NSD1: variants seen among roughly 807,000 people sequenced by gnomAD.
The protein encoded by NSD1 is histone-lysine N-methyltransferase, H3 lysine-36 specific.
In NSD1, 26 loss-of-function variants were observed where a neutral mutation model predicts 242.7. The ratio of observed to expected loss-of-function variants is 0.11; its 90% CI spans 0.08 to 0.15. The LOEUF (loss-of-function observed/expected upper bound fraction) is 0.15. NSD1 is among the 10% of genes least tolerant of loss of function. NSD1 has a pLI of 1.00. For missense variants in NSD1, 2,495 were observed against 3,272.8 expected (o/e 0.76, Z 5.80); for synonymous variants, 1,106 against 1,178.1 (o/e 0.94, Z 1.25).
At chr5:177,239,663 A>G (rs1328743541) in intron 7 of NSD1, 93 bp from the exon 8 acceptor site, 1 of 742,992 alleles carries the variant, frequency 1.3e-6, no homozygotes, top group Admixed American at 2.3e-5. Flanking sequence ...CATCAAAAAC[A>G]TTGAGATTCA....
At chr5:177,281,184 A>G (rs1281465544) in intron 18 of NSD1, among the ~76,000 whole-genome samples, 1 of 152,206 alleles carries the variant, frequency 6.6e-6, no homozygotes, top group East Asian at 1.9e-4. Context: ...TACTAATAAA[A>G]CATTTTTAGT....
In NSD1 at chr5:177,295,186, C is replaced by G. The variant is rs1387893907; in HGVS notation, c.7818C>G (p.Ala2606=). The change falls in exon 23 of 23, where the codon GCC becomes GCG. Residue 2606 remains alanine (A), a synonymous_variant. Transcript: ENST00000439151. The surrounding 1 kb of genome is among the most constrained non-coding windows in gnomAD (Gnocchi z 4.3). ...SGQSFRSLGK[A]PASLPTEEKK... The stretch of plus-strand genomic sequence containing the variant: ...AATCTTTTAGGTCTCTCGGGAAGGC[C>G]CCAGCCTCCCTCCCCACTGAAGAAA... The G allele has an allele frequency of 3.7e-6, 6 of 1,614,186 alleles. No individual in the cohort carries two copies. The highest frequency in any genetic ancestry group is 5.1e-6 in the Non-Finnish European group (6 of 1,180,036).
intron 3 of NSD1, among the ~76,000 whole-genome samples, chr5:177,200,128 C>T (rs1393393559): frequency 6.6e-6 from 1 of 151,660 alleles, no homozygotes; most frequent in African/African-American, 2.4e-5. Flanking sequence ...AGATAGAGTC[C>T]TGCTCTGTTG....
intron 2 of NSD1, among the ~76,000 whole-genome samples, chr5:177,178,453 C>T (rs1364412090): frequency 1.3e-5 from 2 of 152,024 alleles, no homozygotes; most frequent in Non-Finnish European, 2.9e-5. Context: ...CTTGAACTCC[C>T]GACCTTAGGT....
Position 177,248,204 on chromosome 5 carries a change from G to T in NSD1, c.4521G>T (p.Thr1507=), listed in dbSNP as rs778642917. The change falls in exon 11 of 23, where the codon ACG becomes ACT. Residue 1507 remains threonine, a synonymous_variant. Coordinates refer to ENST00000439151, the MANE Select transcript of NSD1 (RefSeq NM_022455.5). Reference sequence around the variant, plus strand: ...AGGGAGAACTAATGCCTCACAGGACGGCCACAAGCCCCAAGGAGACTGTTG... The same window carrying T: ...AGGGAGAACTAATGCCTCACAGGACTGCCACAAGCCCCAAGGAGACTGTTG... The part of the protein sequence containing the change: ...GSEGELMPHR[T]ATSPKETVEE... 3.1e-6 allele frequency: 5 copies of T among 1,613,978 alleles called. No homozygotes were observed. Among genetic ancestry groups the T allele is most frequent in the Non-Finnish European group, 4.2e-6 (5 of 1,180,032 alleles).
chr5:177,266,312 A>G (rs952338336), intron 14 of NSD1: 3 of 727,062 alleles, frequency 4.1e-6, no homozygotes, highest in East Asian at 2.8e-5. Context: ...GACAATCTTC[A>G]CCGCATAATC....
chr5:177,186,453 T>TAGG (rs1298358197), intron 2 of NSD1, among the ~76,000 whole-genome samples: 1 of 152,132 alleles, frequency 6.6e-6, no homozygotes, highest in Admixed American at 6.6e-5. Context: ...TGAACCGGTT[T>TAGG]AGGTTTTTTT....
chr5:177,276,117 T>C (rs902210408), intron 17 of NSD1, among the ~76,000 whole-genome samples: 7 of 151,786 alleles, frequency 4.6e-5, no homozygotes, highest in Admixed American at 4.6e-4. Context: ...TTTTGTAGAG[T>C]TGGGGTTTCA....
At chr5:177,188,355 C>T (rs2149816669) in intron 2 of NSD1, among the ~76,000 whole-genome samples, 1 of 152,058 alleles carries the variant, frequency 6.6e-6, no homozygotes, top group South Asian at 2.1e-4. Context: ...TGGATTTGGT[C>T]CTTATTGTCT....
intron 5 of NSD1, among the ~76,000 whole-genome samples, chr5:177,214,131 A>G (rs904550881): frequency 3.3e-5 from 5 of 152,144 alleles, no homozygotes; most frequent in African/African-American, 1.2e-4. Context: ...CAGGAGTTCA[A>G]GACCAGCCTG....
At chr5:177,288,454 T>A in intron 20 of NSD1, 2 of 297,156 alleles carry the variant, frequency 6.7e-6, no homozygotes, top group South Asian at 6.4e-5. Flanking sequence ...AAACAGGTTT[T>A]CCTCATACTT....
At chr5:177,207,521 A>G (rs1562201443) in intron 4 of NSD1, among the ~76,000 whole-genome samples, 1 of 143,964 alleles carries the variant, frequency 6.9e-6, no homozygotes, top group Non-Finnish European at 1.5e-5. Context: ...TGACCTTGTG[A>G]TCTGCCCACC....
At position 177,170,339 on chromosome 5, in the gene NSD1, A is replaced by G. The variant is rs373107904; in HGVS notation, c.928-21545A>G. 1.2e-4 allele frequency among the ~76,000 whole-genome samples: 17 copies of G among 147,392 alleles called. No homozygotes were observed. In the South Asian group the frequency reaches 2.6e-3, roughly 23 times the overall value. On this transcript the variant is annotated intron_variant, in intron 2 of 22. Coordinates refer to ENST00000439151, the MANE Select transcript of NSD1 (RefSeq NM_022455.5). ...AGTACCCTTTTTGTTTTTGTAAAGT[A>G]TGCATGATTTTATTTAATTTTTTTT...
chr5:177,187,722 T>C (rs1761349835), intron 2 of NSD1, among the ~76,000 whole-genome samples: 1 of 152,192 alleles, frequency 6.6e-6, no homozygotes, highest in Non-Finnish European at 1.5e-5. Flanking sequence ...TCACGTTGTC[T>C]TCCCTCTATT....
chr5:177,135,597 A>G lies in NSD1; in HGVS notation c.494A>G (p.Asp165Gly). 1 of 1,614,230 alleles carries G rather than the reference A, an allele frequency of 6.2e-7. No individual in the cohort carries two copies. The highest frequency in any genetic ancestry group is 8.5e-7 in the Non-Finnish European group (1 of 1,180,040). ...ACTTGTGTGGACGATGCAGATGTAGATTCTGAAATGGACCCAGAACAGCCA... is the reference window on the plus strand; with the variant it reads ...ACTTGTGTGGACGATGCAGATGTAGGTTCTGAAATGGACCCAGAACAGCCA... ...NFTCVDDADV[D>G]SEMDPEQPVT... The change falls in exon 2 of 23, where the codon GAT becomes GGT. Residue 165 changes from aspartate (D) to glycine (G), a missense_variant. By Grantham distance (94) the Asp-to-Gly change is moderately conservative (BLOSUM62 -1). Coordinates refer to ENST00000439151, the MANE Select transcript of NSD1 (RefSeq NM_022455.5).
chr5:177,170,413 T>C (rs1581193744), intron 2 of NSD1, among the ~76,000 whole-genome samples: 1 of 150,412 alleles, frequency 6.6e-6, no homozygotes, highest in East Asian at 2.0e-4. Flanking sequence ...TGCAGTGGCG[T>C]GATCTCGGCT....
At chr5:177,221,048 T>C (rs1049544643) in intron 5 of NSD1, 1 of 455,388 alleles carries the variant, frequency 2.2e-6, no homozygotes, top group Admixed American at 2.4e-5. Flanking sequence ...TGGTTTTTCA[T>C]TTTTAATAGA....
rs61538775 is a variant in NSD1 at position 177,264,028 on chromosome 5, A to ATTTT, written c.5147-3511_5147-3508dup. Reference sequence around the variant, plus strand: ...AAGATGCATATGACTCAATGAACCAATTTTTTTTTTTTTTTTTTTTTTTTT... The same window carrying ATTTT: ...AAGATGCATATGACTCAATGAACCAATTTTTTTTTTTTTTTTTTTTTTTTTTTTT... On this transcript the variant is annotated intron_variant, in intron 14 of 22. Coordinates refer to ENST00000439151, the MANE Select transcript of NSD1 (RefSeq NM_022455.5). 8.6e-3 allele frequency among the ~76,000 whole-genome samples: 654 copies of ATTTT among 76,352 alleles called. 101 individuals carry two copies. The highest frequency in any genetic ancestry group is 0.029 in the African/African-American group (564 of 19,476). 50.1% of individuals were successfully genotyped at this position (76,352 alleles called of 152,430 possible).
intron 3 of NSD1, among the ~76,000 whole-genome samples, chr5:177,198,819 A>G (rs965501159): frequency 2.0e-5 from 3 of 152,166 alleles, no homozygotes; most frequent in African/African-American, 4.8e-5. Flanking sequence ...ACTCAACTCC[A>G]TACTTGAAGT....
Sources: allele counts gnomAD v4.1 joint callset (sites outside exome capture counted in the v4.1 genomes callset), GRCh38; gene constraint gnomAD v4.1.1; non-coding constraint Gnocchi (gnomAD v3.1); transcripts MANE v1.5; gene names NCBI Gene and HGNC (gene_info 2026-07-23, HGNC 2026-07-21).